The following CSMD1 variants were observed in gnomAD, a reference collection of about 807,000 sequenced individuals.
The protein encoded by CSMD1 is CUB and Sushi multiple domains 1, also known as CUB and sushi domain-containing protein 1.
A neutral mutation model predicts 417.5 loss-of-function variants in CSMD1; 213 were observed. That is an observed-to-expected ratio of 0.51 (90% CI 0.46 to 0.57). The LOEUF is 0.57. Ranked by LOEUF, CSMD1 falls within the 20% of genes least tolerant of loss-of-function variation. CSMD1 has a pLI of 0.00. For missense variants in CSMD1, 6,923 were observed against 4,529.7 expected, an observed-to-expected ratio of 1.53 and a Z score of -15.17; for synonymous variants, 2,862 against 1,736.8, an observed-to-expected ratio of 1.65 and a Z score of -16.11.
At chr8:3,971,502 G>C (rs1283273282) in intron 5 of CSMD1, among the ~76,000 whole-genome samples, 1 of 152,144 alleles carries the variant, frequency 6.6e-6, no homozygotes, top group East Asian at 1.9e-4. Flanking sequence ...TGATAAATCA[G>C]AACTCCCGAA....
At chr8:3,637,050 C>T (rs116889632) in intron 7 of CSMD1, among the ~76,000 whole-genome samples, 527 of 152,216 alleles carry the variant, frequency 3.5e-3, no homozygotes, top group Middle Eastern at 0.01. Flanking sequence ...AGAAAACCCT[C>T]GCCAGAATCA....
chr8:3,065,895 G>T (rs1812907482), intron 49 of CSMD1, among the ~76,000 whole-genome samples: 1 of 152,210 alleles, frequency 6.6e-6, no homozygotes, highest in Admixed American at 6.5e-5. Context: ...GAAAATGAGT[G>T]AAGAGCGTAG....
chr8:4,781,173 C>G (rs566826689), intron 1 of CSMD1, among the ~76,000 whole-genome samples: 2 of 152,172 alleles, frequency 1.3e-5, no homozygotes, highest in Non-Finnish European at 2.9e-5. Flanking sequence ...TGTGCCCAAC[C>G]TAGCAAATAC....
At chr8:4,008,753 G>A (rs1344741888) in intron 4 of CSMD1, among the ~76,000 whole-genome samples, 1 of 151,706 alleles carries the variant, frequency 6.6e-6, no homozygotes, top group Non-Finnish European at 1.5e-5. Context: ...TGGGAATACA[G>A]GCATCCGGCA....
intron 2 of CSMD1, among the ~76,000 whole-genome samples, chr8:4,439,482 C>T (rs934492752): frequency 3.3e-5 from 5 of 152,050 alleles, no homozygotes; most frequent in East Asian, 3.9e-4. Context: ...TACTTTCTTC[C>T]GTTTGACGAA....
intron 40 of CSMD1, among the ~76,000 whole-genome samples, chr8:3,144,029 C>A (rs1441050521): frequency 6.6e-6 from 1 of 152,146 alleles, no homozygotes; most frequent in African/African-American, 2.4e-5. Flanking sequence ...AGAAACTTGG[C>A]AGGGAGAAGC....
At chr8:4,367,518 C>T (rs1374594734) in intron 3 of CSMD1, among the ~76,000 whole-genome samples, 1 of 152,152 alleles carries the variant, frequency 6.6e-6, no homozygotes, top group African/African-American at 2.4e-5. Context: ...GTTCCTTTTG[C>T]TCAGGACTGC....
At chr8:4,240,948 T>C (rs948241065) in intron 3 of CSMD1, among the ~76,000 whole-genome samples, 16 of 152,206 alleles carry the variant, frequency 1.1e-4, no homozygotes, top group African/African-American at 2.2e-4. Context: ...TTCTGACAAT[T>C]ATACCTTCTA....
chr8:3,291,701 T>C (rs1803582141), intron 25 of CSMD1, among the ~76,000 whole-genome samples: 1 of 151,682 alleles, frequency 6.6e-6, no homozygotes, highest in Non-Finnish European at 1.5e-5. Context: ...ATTATGTCTA[T>C]TTGATTCTTC....
At chr8:3,114,951 T>C (rs1283612856) in intron 42 of CSMD1, among the ~76,000 whole-genome samples, 1 of 152,136 alleles carries the variant, frequency 6.6e-6, no homozygotes, top group East Asian at 1.9e-4. Context: ...TCTGTGCAAT[T>C]CCCCACTCTA....
chr8:4,408,861 T>TAA (rs1475634574), intron 3 of CSMD1, among the ~76,000 whole-genome samples: 2 of 152,150 alleles, frequency 1.3e-5, no homozygotes, highest in African/African-American at 4.8e-5. Flanking sequence ...AAAATATACT[T>TAA]ACGTTTAGAA....
At chr8:4,769,021 G>T (rs1373034128) in intron 1 of CSMD1, among the ~76,000 whole-genome samples, 1 of 152,096 alleles carries the variant, frequency 6.6e-6, no homozygotes. Context: ...TGACTGTAAG[G>T]TACTACAAAG....
chr8:3,206,429 G>A (rs1797271370), intron 30 of CSMD1, among the ~76,000 whole-genome samples: 2 of 117,742 alleles, frequency 1.7e-5, no homozygotes, highest in Non-Finnish European at 3.4e-5. Flanking sequence ...GTATGTGTGT[G>A]TGTGGGTGTA....
chr8:4,197,641 G>C (rs531058114), intron 3 of CSMD1, among the ~76,000 whole-genome samples: 1 of 152,316 alleles, frequency 6.6e-6, no homozygotes, highest in East Asian at 1.9e-4. Flanking sequence ...CATTTTGGGA[G>C]GCCGAGGCAG....
At chr8:4,279,688 G>A (rs1585148319) in intron 3 of CSMD1, among the ~76,000 whole-genome samples, 1 of 152,092 alleles carries the variant, frequency 6.6e-6, no homozygotes, top group South Asian at 2.1e-4. Context: ...AGCCAACTTT[G>A]AATGTGCATT....
At chr8:3,411,034 G>A (rs1452036611) in intron 12 of CSMD1, among the ~76,000 whole-genome samples, 2 of 152,170 alleles carry the variant, frequency 1.3e-5, no homozygotes, top group African/African-American at 2.4e-5. Flanking sequence ...GGACAAATGG[G>A]CAGAGGTGGT....
intron 3 of CSMD1, among the ~76,000 whole-genome samples, chr8:4,268,565 G>C (rs991065495): frequency 2.0e-5 from 3 of 152,142 alleles, no homozygotes; most frequent in South Asian, 2.1e-4. Context: ...AAAGATTAGA[G>C]ATGAATATCC....
At chr8:4,813,555 A>C (rs1435042881) in intron 1 of CSMD1, among the ~76,000 whole-genome samples, 1 of 152,206 alleles carries the variant, frequency 6.6e-6, no homozygotes, top group Non-Finnish European at 1.5e-5. Context: ...AACTCTTTCC[A>C]GAAGCCCTAG....
intron 5 of CSMD1, among the ~76,000 whole-genome samples, chr8:3,849,236 T>TAAAAC (rs1170120057): frequency 3.3e-5 from 5 of 152,108 alleles, no homozygotes; most frequent in African/African-American, 1.2e-4. Flanking sequence ...AAAAGAGGAA[T>TAAAAC]AAAACGAAAC....
Sources: gnomAD v4.1 joint callset for allele counts (sites outside exome capture counted in the v4.1 genomes callset) on GRCh38, gnomAD v4.1.1 for gene constraint, MANE v1.5 for transcripts, NCBI Gene and HGNC (gene_info 2026-07-23, HGNC 2026-07-21) for gene names.